Variants in MELK observed in about 807,000 individuals in gnomAD.
The protein encoded by MELK is pEg3 kinase.
In MELK, 81 loss-of-function variants were observed where a neutral mutation model predicts 85.0. That is an observed-to-expected ratio of 0.95 (90% CI 0.80 to 1.15). The LOEUF (loss-of-function observed/expected upper bound fraction) is 1.15, where lower values mean the gene tolerates loss of function less well. Ranked by LOEUF, MELK falls within the 50% of genes most tolerant of loss-of-function variation. MELK has a pLI of 0.00. For synonymous variants in MELK, 252 were observed against 265.0 expected, an observed-to-expected ratio of 0.95 and a Z score of 0.48; for missense variants, 754 against 777.5, an observed-to-expected ratio of 0.97 and a Z score of 0.36.
chr9:36,633,351 C>T, intron 10 of MELK, 151 bp downstream of exon 10: 1 of 569,048 alleles, frequency 1.8e-6, no homozygotes, highest in Non-Finnish European at 3.0e-6. Context: ...GACAGTGGTT[C>T]CTTAACCCCA....
intron 13 of MELK, among the ~76,000 whole-genome samples, chr9:36,660,022 C>T (rs143503160): frequency 0.02 from 3,114 of 152,336 alleles, 51 homozygotes; most frequent in South Asian, 0.049. Flanking sequence ...TGGTCTCGAA[C>T]TGCTGACCTC....
At chr9:36,631,863 C>T (rs749170121) in intron 9 of MELK, among the ~76,000 whole-genome samples, 5 of 151,474 alleles carry the variant, frequency 3.3e-5, no homozygotes, top group Non-Finnish European at 5.9e-5. Flanking sequence ...GGTTTCGCTA[C>T]GTTGCCCAGG....
At chr9:36,586,393 A>T (rs1288795323) in intron 3 of MELK, among the ~76,000 whole-genome samples, 2 of 152,148 alleles carry the variant, frequency 1.3e-5, no homozygotes, top group East Asian at 3.8e-4. Flanking sequence ...TGTTACAGCA[A>T]TGTCATTAAA....
At chr9:36,594,554 A>T in intron 4 of MELK, 74 bp from the exon 5 acceptor site, 1 of 1,519,142 alleles carries the variant, frequency 6.6e-7, no homozygotes. Flanking sequence ...AGTTAAGTGT[A>T]CTTTTTTATT....
At chr9:36,661,861 C>CA (rs1425148088) in intron 13 of MELK, among the ~76,000 whole-genome samples, 2 of 150,196 alleles carry the variant, frequency 1.3e-5, no homozygotes, top group Admixed American at 6.7e-5. Context: ...GGCATGAACC[C>CA]GGGAGGCGGA....
At chr9:36,594,898 C>A in intron 5 of MELK, 127 bp downstream of exon 5, 6 of 982,022 alleles carry the variant, frequency 6.1e-6, no homozygotes, top group Non-Finnish European at 8.5e-6. Flanking sequence ...TCCAGTCATA[C>A]CTATCAGATT....
intron 3 of MELK, among the ~76,000 whole-genome samples, chr9:36,587,618 G>A (rs1229266313): frequency 2.7e-5 from 4 of 148,354 alleles, no homozygotes; most frequent in Non-Finnish European, 4.5e-5. Context: ...GAGCCCCCCC[G>A]CCTTTTTTTT....
At chr9:36,663,730 G>A (rs1033130798) in intron 13 of MELK, among the ~76,000 whole-genome samples, 1 of 152,130 alleles carries the variant, frequency 6.6e-6, no homozygotes, top group African/African-American at 2.4e-5. Flanking sequence ...TGGTTGAATA[G>A]TATTCTATCT....
At chr9:36,656,827 A>G (rs1831299680) in intron 12 of MELK, among the ~76,000 whole-genome samples, 1 of 152,166 alleles carries the variant, frequency 6.6e-6, no homozygotes, top group Admixed American at 6.5e-5. Flanking sequence ...CGTGTTGCCC[A>G]GACTGGCTCC....
At chr9:36,607,405 C>G (rs1422346364) in intron 7 of MELK, among the ~76,000 whole-genome samples, 170 bp from the exon 8 acceptor site, 1 of 152,184 alleles carries the variant, frequency 6.6e-6, no homozygotes, top group Non-Finnish European at 1.5e-5. Context: ...TTTAGGCAAG[C>G]CTCCTTAGCT....
rs369832708 is a variant in MELK, at chr9:36,641,155, GA to G, written c.835-1839del. ...ACTAGAAAACGGAAGACTTGCAGAGGAAAGGTTGCTTATAATAGGAATACGC... is the reference window on the plus strand; with the variant it reads ...ACTAGAAAACGGAAGACTTGCAGAGGAAGGTTGCTTATAATAGGAATACGC... On this transcript the variant is annotated intron_variant, in intron 10 of 17. Coordinates refer to ENST00000298048, the MANE Select transcript of MELK (RefSeq NM_014791.4). 4.9e-4 allele frequency among the ~76,000 whole-genome samples: 74 copies of G among 152,336 alleles called. No homozygotes were observed. The East Asian group carries it at 0.01, about 21-fold the overall frequency.
chr9:36,597,357 G>T, intron 6 of MELK, 67 bp downstream of exon 6: 1 of 1,396,136 alleles, frequency 7.2e-7, no homozygotes, highest in Non-Finnish European at 1.0e-6. Context: ...GTGTGATTTT[G>T]TCCTGACTTC....
intron 11 of MELK, among the ~76,000 whole-genome samples, chr9:36,647,460 A>G (rs1830311727): frequency 6.6e-6 from 1 of 151,224 alleles, no homozygotes; most frequent in Non-Finnish European, 1.5e-5. Context: ...CACCTTCTCC[A>G]TGAAGCCTCT....
intron 1 of MELK, among the ~76,000 whole-genome samples, chr9:36,574,394 G>A (rs1378757717): frequency 6.7e-6 from 1 of 148,978 alleles, no homozygotes; most frequent in Non-Finnish European, 1.5e-5. Context: ...AGACCAGCCT[G>A]GCCAACATGG....
At chr9:36,669,493 A>T in intron 15 of MELK, 87 bp downstream of exon 15, 20 of 911,642 alleles carry the variant, frequency 2.2e-5, no homozygotes, top group Non-Finnish European at 3.3e-5. Flanking sequence ...GATTAAGGTA[A>T]ATCATCACAT....
chr9:36,642,418 C>A (rs1007480049), intron 10 of MELK, among the ~76,000 whole-genome samples: 24 of 84,788 alleles, frequency 2.8e-4, no homozygotes, highest in Non-Finnish European at 4.6e-4. Context: ...TACAACAGAA[C>A]TTTTTTTTTT....
chr9:36,629,772 C>T (rs898391095), intron 8 of MELK, among the ~76,000 whole-genome samples: 2 of 150,424 alleles, frequency 1.3e-5, no homozygotes, highest in Non-Finnish European at 2.9e-5. Flanking sequence ...TAGCCCTTCT[C>T]TGATATGTGG....
chr9:36,643,109 G>T (rs112199338), intron 11 of MELK, 26 bp downstream of exon 11: 5 of 1,587,092 alleles, frequency 3.2e-6, no homozygotes, highest in Admixed American at 3.4e-5. Flanking sequence ...TGGGCTGGGC[G>T]CAGTGGCTCA....
chr9:36,602,404 C>A (rs528251168), intron 7 of MELK, among the ~76,000 whole-genome samples: 2 of 143,686 alleles, frequency 1.4e-5, no homozygotes, highest in African/African-American at 5.3e-5. Flanking sequence ...GCAGGAGAAT[C>A]GCTTGAACCT....
Sources: gnomAD v4.1 joint callset for allele counts (sites outside exome capture counted in the v4.1 genomes callset) on GRCh38, gnomAD v4.1.1 for gene constraint, MANE v1.5 for transcripts, NCBI Gene and HGNC (gene_info 2026-07-23, HGNC 2026-07-21) for gene names.